ZDHHC15: variants seen among roughly 807,000 people sequenced by gnomAD.
ZDHHC15 encodes the protein zDHHC palmitoyltransferase 15, also known as palmitoyltransferase ZDHHC15.
In ZDHHC15, 19 loss-of-function variants were observed where a neutral mutation model predicts 31.7. The observed-to-expected ratio is 0.60, with a 90% CI of 0.42 to 0.88. The LOEUF (loss-of-function observed/expected upper bound fraction) is 0.88, where lower values mean the gene tolerates loss of function less well. Ranked by LOEUF, ZDHHC15 falls within the 40% of genes least tolerant of loss-of-function variation. The pLI is 0.00. For missense variants in ZDHHC15, 209 were observed against 251.2 expected (o/e 0.83, Z 1.14); for synonymous variants, 103 against 90.0 (o/e 1.14, Z -0.82).
intron 2 of ZDHHC15, chrX:75,502,249 T>C (rs1401821353): frequency 3.6e-5 from 4 of 111,628 alleles, no homozygotes; most frequent in Admixed American, 2.9e-4. Context: ...TGTACCTATC[T>C]GTGTCCAGAT....
Position 75,502,465 on chromosome X carries a change from T to A in ZDHHC15, c.163+3356A>T, listed in dbSNP as rs1393121593. ...GAAATTACATCTGTTTCTGAAAAGG[T>A]AAATAATTACAACCATTTTATGAAT... On this transcript the variant is annotated intron_variant, in intron 2 of 11. Coordinates refer to ENST00000373367, the MANE Select transcript of ZDHHC15 (RefSeq NM_144969.3). Among the ~76,000 whole-genome samples the A allele has an allele frequency of 3.6e-5, 4 of 112,082 alleles. No homozygotes were observed. In the South Asian group the frequency reaches 1.5e-3, roughly 41 times the overall value.
chrX:75,417,063 T>A (rs1376164087), intron 10 of ZDHHC15, 24 bp downstream of exon 10: 2 of 1,131,491 alleles, frequency 1.8e-6, no homozygotes, highest in Non-Finnish European at 2.4e-6. Context: ...TAATGTGGAC[T>A]TCATAGTCTT....
At chrX:75,425,543 C>A (rs2083703070) in intron 7 of ZDHHC15, among the ~76,000 whole-genome samples, 1 of 112,350 alleles carries the variant, frequency 8.9e-6, no homozygotes, top group African/African-American at 3.2e-5. Flanking sequence ...GTAACATGCG[C>A]AGCATGTAAC....
intron 3 of ZDHHC15, among the ~76,000 whole-genome samples, chrX:75,459,005 A>AAC (rs1556019780): frequency 2.2e-4 from 21 of 97,022 alleles, no homozygotes; most frequent in South Asian, 4.9e-4. Context: ...AAAAAAAAAA[A>AAC]AAAAAACAAC....
At chrX:75,430,791 T>C (rs2083770236) in intron 5 of ZDHHC15, among the ~76,000 whole-genome samples, 1 of 111,764 alleles carries the variant, frequency 8.9e-6, no homozygotes, top group East Asian at 2.8e-4. Flanking sequence ...TAATATGATG[T>C]AATGAGAATG....
At chrX:75,501,320 T>G (rs780509379) in intron 2 of ZDHHC15, among the ~76,000 whole-genome samples, 1 of 111,299 alleles carries the variant, frequency 9.0e-6, no homozygotes, top group South Asian at 3.8e-4. Context: ...CTTCATGGTG[T>G]GTATGCACCA....
At chrX:75,445,457 C>G (rs913844311) in intron 4 of ZDHHC15, among the ~76,000 whole-genome samples, 1 of 111,779 alleles carries the variant, frequency 8.9e-6, no homozygotes, top group Non-Finnish European at 1.9e-5. Flanking sequence ...TTTTGAAAAA[C>G]AATGAATAAA....
intron 10 of ZDHHC15, among the ~76,000 whole-genome samples, chrX:75,391,291 G>T (rs1268551464): frequency 9.0e-6 from 1 of 111,453 alleles, no homozygotes. Context: ...AGAAAGATAG[G>T]GGTAGAAAGT....
chrX:75,490,549 G>A (rs2084866585), intron 2 of ZDHHC15, among the ~76,000 whole-genome samples: 1 of 111,514 alleles, frequency 9.0e-6, no homozygotes, highest in Admixed American at 9.5e-5. Flanking sequence ...TAGCTTGATG[G>A]GGATGGCATT....
At chrX:75,454,102 C>T (rs1370927410) in intron 3 of ZDHHC15, among the ~76,000 whole-genome samples, 4 of 111,369 alleles carry the variant, frequency 3.6e-5, no homozygotes, top group East Asian at 5.6e-4. Flanking sequence ...TCAAATTGTC[C>T]CTGTTTGCAG....
At chrX:75,440,054 C>A (rs1453839719) in intron 4 of ZDHHC15, among the ~76,000 whole-genome samples, 1 of 111,693 alleles carries the variant, frequency 9.0e-6, no homozygotes, top group Non-Finnish European at 1.9e-5. Context: ...ATACCAGCAC[C>A]TGCTCCAGTG....
At chrX:75,458,934 A>C (rs1394969542) in intron 3 of ZDHHC15, among the ~76,000 whole-genome samples, 1 of 102,754 alleles carries the variant, frequency 9.7e-6, no homozygotes, top group Non-Finnish European at 2.0e-5. Context: ...AACTAGACCC[A>C]TAGAGAATGA....
In ZDHHC15 at chrX:75,417,181, A is replaced by G. The variant is rs1013957021; in HGVS notation, c.873T>C (p.Asp291=). 2.5e-6 allele frequency: 3 copies of G among 1,197,292 alleles called. No individual in the cohort carries two copies. The African/African-American group carries it at 5.3e-5, about 21-fold the overall frequency. The change falls in exon 10 of 12, where the codon GAT becomes GAC. Residue 291 remains aspartate (D), a synonymous_variant. Transcript: ENST00000373367. Reference sequence around the variant, plus strand: ...TAGACCTCATAGGGAAGGAGTGTCCATCACCAGGGCTGATGGGAAAAGAAA... The same window carrying G: ...TAGACCTCATAGGGAAGGAGTGTCCGTCACCAGGGCTGATGGGAAAAGAAA... ...WLIPIGSSPG[D]GHSFPMRSMN... is the part of the protein sequence containing the mutation.
At chrX:75,477,496 TCTTTA>T (rs1167623904) in intron 3 of ZDHHC15, among the ~76,000 whole-genome samples, 1 of 111,891 alleles carries the variant, frequency 8.9e-6, no homozygotes, top group African/African-American at 3.2e-5. Flanking sequence ...TGTATTTTTT[TCTTTA>T]CTTCTCTCAG....
chrX:75,457,038 C>T (rs937186034), intron 3 of ZDHHC15, among the ~76,000 whole-genome samples: 5 of 111,680 alleles, frequency 4.5e-5, no homozygotes, highest in African/African-American at 1.3e-4. Context: ...AGTGTAAGTA[C>T]TCAACAAATG....
At chrX:75,450,714 A>G (rs766524434) in intron 4 of ZDHHC15, 88 bp downstream of exon 4, 28 of 1,202,751 alleles carry the variant, frequency 2.3e-5, no homozygotes, top group Admixed American at 6.7e-5. Flanking sequence ...TGGGAGGAAA[A>G]AAAAGGGCTA....
At chrX:75,493,549 T>C (rs914079776) in intron 2 of ZDHHC15, among the ~76,000 whole-genome samples, 3 of 111,489 alleles carry the variant, frequency 2.7e-5, no homozygotes, top group Non-Finnish European at 5.7e-5. Context: ...TACTGGCAAA[T>C]GGAATCCAGC....
chrX:75,429,822 C>T (rs2083757066), intron 6 of ZDHHC15, 126 bp downstream of exon 6: 10 of 685,712 alleles, frequency 1.5e-5, no homozygotes, highest in Admixed American at 3.5e-5. Flanking sequence ...CTGTCCCCTA[C>T]AGAAATATAA....
At chrX:75,500,702 C>T (rs1602742894) in intron 2 of ZDHHC15, among the ~76,000 whole-genome samples, 1 of 108,825 alleles carries the variant, frequency 9.2e-6, no homozygotes, top group East Asian at 2.8e-4. Context: ...CTAAGGGAGG[C>T]TTTTATCTGA....
Sources: allele counts gnomAD v4.1 joint callset (sites outside exome capture counted in the v4.1 genomes callset), GRCh38; gene constraint gnomAD v4.1.1; transcripts MANE v1.5; gene names NCBI Gene and HGNC (gene_info 2026-07-23, HGNC 2026-07-21).